Variants in LRBA observed in about 807,000 individuals in gnomAD.
The protein encoded by LRBA is LPS responsive beige-like anchor protein.
LRBA carries 176 observed loss-of-function variants against 330.0 expected under a neutral mutation model. The observed-to-expected ratio is 0.53, with a 90% CI of 0.47 to 0.60. LRBA has a LOEUF of 0.60. LRBA is among the 20% of genes least tolerant of loss of function. The pLI, the probability that LRBA is intolerant of heterozygous loss-of-function variation, is 0.00. For synonymous variants in LRBA, 1,230 were observed against 1,193.0 expected (o/e 1.03, Z -0.64); for missense variants, 3,259 against 3,444.8 (o/e 0.95, Z 1.35).
In LRBA at chr4:150,921,190, T is replaced by A; in HGVS notation, c.645+8A>T. On this transcript the variant is annotated splice_region_variant and intron_variant, in intron 5 of 56. Coordinates refer to ENST00000651943, the MANE Select transcript of LRBA (RefSeq NM_001364905.1). ...CTGGGAGTGATTTCCTCATTAATAT[T>A]TACTTACTGCAGCACTCTTTCCTGG... 1 of 1,574,418 alleles carries A rather than the reference T, an allele frequency of 6.4e-7. No individual in the cohort carries two copies. Among genetic ancestry groups the A allele is most frequent in the East Asian group, 2.2e-5 (1 of 44,664 alleles).
At chr4:150,997,173 C>A (rs949858770) in intron 2 of LRBA, among the ~76,000 whole-genome samples, 2 of 152,160 alleles carry the variant, frequency 1.3e-5, no homozygotes, top group African/African-American at 4.8e-5. Context: ...AGAATAAAGT[C>A]AGTGTCTAAC....
intron 37 of LRBA, among the ~76,000 whole-genome samples, chr4:150,615,884 T>A (rs1255483266): frequency 6.6e-6 from 1 of 152,050 alleles, no homozygotes; most frequent in Non-Finnish European, 1.5e-5. Flanking sequence ...ACTTTCCACA[T>A]ACAACTGGCC....
intron 14 of LRBA, among the ~76,000 whole-genome samples, chr4:150,899,559 A>G (rs1730496813): frequency 6.6e-6 from 1 of 152,196 alleles, no homozygotes; most frequent in African/African-American, 2.4e-5. Flanking sequence ...AGACATGATG[A>G]ATGAATATTA....
At chr4:150,521,352 TCA>T (rs771558725) in intron 40 of LRBA, among the ~76,000 whole-genome samples, 3 of 152,202 alleles carry the variant, frequency 2.0e-5, no homozygotes, top group Non-Finnish European at 4.4e-5. Context: ...GATATAAATT[TCA>T]CAGTTATAGG....
chr4:150,384,979 C>T (rs989914126), intron 47 of LRBA, among the ~76,000 whole-genome samples: 1 of 151,854 alleles, frequency 6.6e-6, no homozygotes, highest in African/African-American at 2.4e-5. Flanking sequence ...ATCTTTATGT[C>T]CTAAACTATT....
chr4:150,509,050 A>G (rs1018091920), intron 40 of LRBA, among the ~76,000 whole-genome samples: 1 of 152,238 alleles, frequency 6.6e-6, no homozygotes, highest in Admixed American at 6.5e-5. Context: ...GACTATAGTT[A>G]ATGGTAATGT....
chr4:150,804,078 A>G (rs1225089109), intron 33 of LRBA, among the ~76,000 whole-genome samples: 1 of 152,146 alleles, frequency 6.6e-6, no homozygotes, highest in Non-Finnish European at 1.5e-5. Flanking sequence ...AAAGTTTCAT[A>G]TATGAAACAT....
chr4:150,705,924 T>C (rs910218475), intron 36 of LRBA, among the ~76,000 whole-genome samples: 3 of 151,980 alleles, frequency 2.0e-5, no homozygotes, highest in Non-Finnish European at 4.4e-5. Flanking sequence ...ACACTGGTGA[T>C]AGAAGTCAAT....
chr4:150,471,548 C>T, intron 43 of LRBA, 76 bp downstream of exon 43: 1 of 800,832 alleles, frequency 1.2e-6, no homozygotes, highest in Non-Finnish European at 2.0e-6. Flanking sequence ...CTAGTTATAC[C>T]ACTACTTAAA....
At chr4:150,492,964 C>T (rs1759147542) in intron 40 of LRBA, among the ~76,000 whole-genome samples, 1 of 152,116 alleles carries the variant, frequency 6.6e-6, no homozygotes, top group South Asian at 2.1e-4. Flanking sequence ...TAATACTTAT[C>T]ACTACCTGAA....
At chr4:150,532,460 G>A (rs1158316293) in intron 40 of LRBA, among the ~76,000 whole-genome samples, 1 of 151,646 alleles carries the variant, frequency 6.6e-6, no homozygotes, top group East Asian at 1.9e-4. Context: ...CATTTTATTA[G>A]GGTATAATAA....
At chr4:150,292,827 A>G (rs1400163765) in intron 53 of LRBA, among the ~76,000 whole-genome samples, 1 of 152,176 alleles carries the variant, frequency 6.6e-6, no homozygotes, top group Non-Finnish European at 1.5e-5. Flanking sequence ...AAAGGTCAAC[A>G]TAATAGTACT....
chr4:150,623,713 C>T (rs995383266), intron 37 of LRBA, among the ~76,000 whole-genome samples: 1 of 151,040 alleles, frequency 6.6e-6, no homozygotes, highest in Non-Finnish European at 1.5e-5. Flanking sequence ...TTCTATATAC[C>T]CCTTATACTT....
chr4:150,729,016 C>A (rs1730081964), intron 36 of LRBA, among the ~76,000 whole-genome samples: 1 of 152,030 alleles, frequency 6.6e-6, no homozygotes, highest in Admixed American at 6.6e-5. Flanking sequence ...TATACAAAAA[C>A]CAACATACAA....
intron 53 of LRBA, among the ~76,000 whole-genome samples, chr4:150,298,905 ATAT>A (rs1729301133): frequency 6.6e-6 from 1 of 152,096 alleles, no homozygotes. Flanking sequence ...GCTTTAAAAG[ATAT>A]TATTCAGATA....
At chr4:150,452,081 G>A (rs547231844) in intron 44 of LRBA, among the ~76,000 whole-genome samples, 3 of 152,184 alleles carry the variant, frequency 2.0e-5, no homozygotes, top group Admixed American at 2.0e-4. Context: ...ATTTTGTCAC[G>A]TAAGCATTAC....
intron 44 of LRBA, among the ~76,000 whole-genome samples, chr4:150,457,546 CTT>C (rs1291399141): frequency 6.6e-6 from 1 of 151,858 alleles, no homozygotes; most frequent in Non-Finnish European, 1.5e-5. Context: ...TACAAAGTAA[CTT>C]TTAAAATCAT....
At chr4:150,398,882 C>T (rs1283336224) in intron 47 of LRBA, among the ~76,000 whole-genome samples, 1 of 152,186 alleles carries the variant, frequency 6.6e-6, no homozygotes, top group East Asian at 1.9e-4. Context: ...CTGCTTTAGC[C>T]TCCCAGAGTG....
intron 44 of LRBA, among the ~76,000 whole-genome samples, chr4:150,450,253 G>A (rs1028576049): frequency 6.6e-6 from 1 of 152,216 alleles, no homozygotes; most frequent in Admixed American, 6.5e-5. Flanking sequence ...AAGAGTGTAT[G>A]CACTGTATTA....
Sources: allele counts gnomAD v4.1 joint callset (sites outside exome capture counted in the v4.1 genomes callset), GRCh38; gene constraint gnomAD v4.1.1; transcripts MANE v1.5; gene names NCBI Gene and HGNC (gene_info 2026-07-23, HGNC 2026-07-21).